Variants in ADAMTSL1 observed in about 807,000 individuals in gnomAD.
The protein encoded by ADAMTSL1 is ADAMTS-like protein 1.
ADAMTSL1 carries 126 observed loss-of-function variants against 201.8 expected under a neutral mutation model. The ratio of observed to expected loss-of-function variants is 0.62; its 90% CI spans 0.54 to 0.72. The LOEUF is 0.72. Ranked by LOEUF, ADAMTSL1 falls within the 30% of genes least tolerant of loss-of-function variation. ADAMTSL1 has a pLI of 0.00. For synonymous variants in ADAMTSL1, 1,121 were observed against 903.4 expected (o/e 1.24, Z -4.32); for missense variants, 2,679 against 2,277.8 (o/e 1.18, Z -3.59).
intron 7 of ADAMTSL1, among the ~76,000 whole-genome samples, chr9:18,648,528 G>T (rs1587793619): frequency 4.0e-5 from 6 of 151,658 alleles, no homozygotes; most frequent in Admixed American, 2.6e-4. Context: ...GCTGGTACCG[G>T]TTGTTCCTTT....
At chr9:18,754,475 T>A (rs899160202) in intron 16 of ADAMTSL1, among the ~76,000 whole-genome samples, 1 of 152,180 alleles carries the variant, frequency 6.6e-6, no homozygotes, top group Admixed American at 6.5e-5. Flanking sequence ...GGAGGAGACA[T>A]ACATCTCTGT....
intron 3 of ADAMTSL1, among the ~76,000 whole-genome samples, chr9:18,540,088 G>A (rs768780647): frequency 5.9e-5 from 9 of 152,140 alleles, no homozygotes; most frequent in Non-Finnish European, 1.2e-4. Context: ...ATTTTTTCAG[G>A]CTGCAATGAG....
At position 18,390,860 on chromosome 9, in the gene ADAMTSL1, C is replaced by T. The variant is rs577798872; in HGVS notation, c.208-113969C>T. Among the ~76,000 whole-genome samples the T allele has an allele frequency of 8.5e-5, 13 of 152,174 alleles. No homozygotes were observed. In the South Asian group the frequency reaches 2.7e-3, roughly 32 times the overall value. On this transcript the variant is annotated intron_variant, in intron 2 of 29. Coordinates refer to the ADAMTSL1 transcript ENST00000680146. ...ACAATGAGGACCCACAGAATTTTAA[C>T]CTTTCCTAGTATAAGTAAGTCTGTC...
At chr9:18,504,284 T>C (rs1823002640) in intron 1 of ADAMTSL1, among the ~76,000 whole-genome samples, 1 of 152,236 alleles carries the variant, frequency 6.6e-6, no homozygotes, top group African/African-American at 2.4e-5. Context: ...CAAGTCTATT[T>C]GTCAAGAGGC....
chr9:18,423,197 G>A (rs1056016940), intron 2 of ADAMTSL1, among the ~76,000 whole-genome samples: 7 of 152,042 alleles, frequency 4.6e-5, no homozygotes, highest in Non-Finnish European at 7.4e-5. Context: ...TTATTGCTTC[G>A]GAGAAATTAC....
intron 1 of ADAMTSL1, among the ~76,000 whole-genome samples, chr9:17,972,860 C>A (rs1036927874): frequency 4.2e-5 from 6 of 143,870 alleles, no homozygotes; most frequent in East Asian, 2.0e-4. Flanking sequence ...ACCATTCTAA[C>A]TGGTGTGAGA....
chr9:18,223,607 A>T (rs1830340391), intron 2 of ADAMTSL1, among the ~76,000 whole-genome samples: 1 of 152,126 alleles, frequency 6.6e-6, no homozygotes, highest in African/African-American at 2.4e-5. Context: ...TTTATTTTTC[A>T]AATATGCTTA....
intron 2 of ADAMTSL1, among the ~76,000 whole-genome samples, chr9:18,314,744 G>T (rs1277711466): frequency 6.9e-6 from 1 of 144,908 alleles, no homozygotes; most frequent in Non-Finnish European, 1.5e-5. Flanking sequence ...CGTGGAAGGG[G>T]ACCCCAGTGG....
rs138561115 is a variant in ADAMTSL1 at position 18,734,171 on chromosome 9, G to A, written c.2006+12506G>A. On this transcript the variant is annotated intron_variant, in intron 15 of 28. Transcript: ENST00000380548. ...GGTTGTGAGGAGAAGTGTGTTAAGCGCTTAGCACAGTGCCTCGCTCATACT... is the reference window on the plus strand; with the variant it reads ...GGTTGTGAGGAGAAGTGTGTTAAGCACTTAGCACAGTGCCTCGCTCATACT... Among the ~76,000 whole-genome samples, 20 of 152,282 alleles carry A rather than the reference G, an allele frequency of 1.3e-4. No homozygotes were observed. In the East Asian group the frequency reaches 1.9e-3, roughly 15 times the overall value.
At chr9:18,866,005 G>C (rs1419694875) in intron 23 of ADAMTSL1, among the ~76,000 whole-genome samples, 1 of 151,374 alleles carries the variant, frequency 6.6e-6, no homozygotes, top group Non-Finnish European at 1.5e-5. Context: ...GAAAGGGAGG[G>C]TTGGGAATGG....
At chr9:18,648,968 T>C (rs1587795141) in intron 7 of ADAMTSL1, among the ~76,000 whole-genome samples, 1 of 152,318 alleles carries the variant, frequency 6.6e-6, no homozygotes, top group East Asian at 1.9e-4. Flanking sequence ...TCCTGGATAA[T>C]ATCCTGCAGA....
chr9:18,177,232 GT>G (rs1828208673), intron 2 of ADAMTSL1, among the ~76,000 whole-genome samples: 1 of 152,200 alleles, frequency 6.6e-6, no homozygotes, highest in African/African-American at 2.4e-5. Flanking sequence ...ATGAATGCAT[GT>G]GTGGAGAATG....
intron 14 of ADAMTSL1, 97 bp downstream of exon 14, chr9:18,707,145 A>C: frequency 7.0e-7 from 1 of 1,429,202 alleles, no homozygotes; most frequent in Non-Finnish European, 9.4e-7. Context: ...AAATCCAAGA[A>C]TGATAAGCAG....
At chr9:18,005,668 G>A (rs757023448) in intron 1 of ADAMTSL1, among the ~76,000 whole-genome samples, 5 of 152,056 alleles carry the variant, frequency 3.3e-5, no homozygotes, top group Non-Finnish European at 5.9e-5. Context: ...TTGCTATGAA[G>A]CATCACATCT....
At chr9:18,479,070 T>C (rs1359716118) in intron 1 of ADAMTSL1, among the ~76,000 whole-genome samples, 1 of 152,202 alleles carries the variant, frequency 6.6e-6, no homozygotes, top group African/African-American at 2.4e-5. Context: ...GTGGGGAGCC[T>C]GCCTGCTAAC....
At chr9:18,453,409 T>G (rs1820487766) in intron 2 of ADAMTSL1, among the ~76,000 whole-genome samples, 1 of 152,176 alleles carries the variant, frequency 6.6e-6, no homozygotes, top group South Asian at 2.1e-4. Context: ...TAATGATCCC[T>G]TCTATTATCT....
chr9:18,412,996 T>C (rs1001235582), intron 2 of ADAMTSL1, among the ~76,000 whole-genome samples: 1 of 151,826 alleles, frequency 6.6e-6, no homozygotes, highest in Non-Finnish European at 1.5e-5. Context: ...CACATTGCCT[T>C]GTCGTTTTTT....
intron 1 of ADAMTSL1, among the ~76,000 whole-genome samples, chr9:17,974,355 T>C (rs113249700): frequency 0.045 from 6,831 of 152,154 alleles, 225 homozygotes; most frequent in Non-Finnish European, 0.06. Context: ...CCCAATCGTC[T>C]CAGCCCAAAA....
intron 1 of ADAMTSL1, among the ~76,000 whole-genome samples, chr9:17,988,270 G>T (rs969804513): frequency 6.6e-6 from 1 of 151,974 alleles, no homozygotes; most frequent in African/African-American, 2.4e-5. Flanking sequence ...GCCTGTTAGA[G>T]GTATGACCTG....
Sources: gnomAD v4.1 joint callset for allele counts (sites outside exome capture counted in the v4.1 genomes callset) on GRCh38, gnomAD v4.1.1 for gene constraint, MANE v1.5 for transcripts, NCBI Gene and HGNC (gene_info 2026-07-23, HGNC 2026-07-21) for gene names.